Variants in MAPK10 observed in about 807,000 individuals in gnomAD.
MAPK10 encodes mitogen-activated protein kinase 10.
A neutral mutation model predicts 59.3 loss-of-function variants in MAPK10; 25 were observed. The observed-to-expected ratio is 0.42, with a 90% confidence interval of 0.31 to 0.59. The LOEUF (loss-of-function observed/expected upper bound fraction) is 0.59, where lower values mean the gene tolerates loss of function less well. Ranked by LOEUF, MAPK10 falls within the 20% of genes least tolerant of loss-of-function variation. MAPK10 has a pLI of 0.15. For synonymous variants in MAPK10, 190 were observed against 200.5 expected (o/e 0.95, Z 0.44); for missense variants, 351 against 568.9 (o/e 0.62, Z 3.90).
chr4:86,486,223 G>T (rs529734459), intron 1 of MAPK10, among the ~76,000 whole-genome samples: 3 of 152,240 alleles, frequency 2.0e-5, no homozygotes, highest in African/African-American at 4.8e-5. Flanking sequence ...AAGAAGTTTG[G>T]ATTGTACTGG....
At chr4:86,410,261 G>A (rs1390645301) in intron 1 of MAPK10, among the ~76,000 whole-genome samples, 11 of 152,108 alleles carry the variant, frequency 7.2e-5, no homozygotes, top group African/African-American at 1.7e-4. Flanking sequence ...TGACTTGATC[G>A]TTGTGGATAA....
chr4:86,504,262 G>C (rs1021574992), intron 1 of MAPK10, among the ~76,000 whole-genome samples: 1 of 152,030 alleles, frequency 6.6e-6, no homozygotes, highest in African/African-American at 2.4e-5. Flanking sequence ...AATATTTCTT[G>C]AGTGAATGAA....
intron 9 of MAPK10, among the ~76,000 whole-genome samples, chr4:86,078,604 T>TACAC (rs35865395): frequency 6.9e-4 from 103 of 149,778 alleles, no homozygotes; most frequent in Admixed American, 1.8e-3. Flanking sequence ...TATATATATA[T>TACAC]ACACACACAC....
chr4:86,393,265 T>C (rs1474454537), intron 1 of MAPK10, among the ~76,000 whole-genome samples: 5 of 152,180 alleles, frequency 3.3e-5, no homozygotes, highest in African/African-American at 1.2e-4. Context: ...TTTCAACAAA[T>C]TCAACTCAAT....
chr4:86,586,303 C>T (rs1345704964), intron 1 of MAPK10, among the ~76,000 whole-genome samples: 2 of 152,114 alleles, frequency 1.3e-5, no homozygotes, highest in Admixed American at 6.5e-5. Flanking sequence ...AGTGCCACAC[C>T]CCTTTAGTAC....
intron 4 of MAPK10, among the ~76,000 whole-genome samples, chr4:86,158,301 C>T (rs988516237): frequency 1.3e-5 from 2 of 151,742 alleles, no homozygotes; most frequent in Non-Finnish European, 2.9e-5. Flanking sequence ...AGCCTGCCAC[C>T]ATCTTGATCT....
At chr4:86,264,069 G>A (rs1009337529) in intron 2 of MAPK10, among the ~76,000 whole-genome samples, 3 of 152,038 alleles carry the variant, frequency 2.0e-5, no homozygotes, top group Admixed American at 6.6e-5. Flanking sequence ...TAGTTACTGC[G>A]AATATAAAGA....
intron 4 of MAPK10, among the ~76,000 whole-genome samples, chr4:86,126,269 TTTA>T (rs1340443531): frequency 6.6e-6 from 1 of 152,082 alleles, no homozygotes; most frequent in East Asian, 1.9e-4. Flanking sequence ...CTTTTCTTGT[TTTA>T]CTTCCCATAC....
chr4:86,505,828 G>A (rs1200260957), intron 1 of MAPK10, among the ~76,000 whole-genome samples: 3 of 151,976 alleles, frequency 2.0e-5, no homozygotes, highest in Non-Finnish European at 4.4e-5. Flanking sequence ...ATTTCTTTAG[G>A]TCATGAACTA....
At chr4:86,494,675 C>G (rs34423047) in intron 1 of MAPK10, among the ~76,000 whole-genome samples, 2 of 151,620 alleles carry the variant, frequency 1.3e-5, no homozygotes, top group South Asian at 4.2e-4. Context: ...AACCCCGTCT[C>G]TACTGAAAAT....
intron 2 of MAPK10, among the ~76,000 whole-genome samples, chr4:86,214,064 G>GGAT (rs2148614407): frequency 6.6e-6 from 1 of 152,120 alleles, no homozygotes; most frequent in East Asian, 1.9e-4. Flanking sequence ...TAGAATGCAA[G>GGAT]GATGGTTCAA....
chr4:86,101,192 A>G lies in MAPK10; in HGVS notation c.590T>C (p.Val197Ala). Residue 197 changes from valine (V) to alanine (A), a missense_variant, in exon 8 of 14, where the codon GTC becomes GCC. Physicochemically the swap from Val to Ala is moderately conservative, Grantham distance 64. Transcript: ENST00000641462. Reference protein sequence around the residue: ...HRDLKPSNIVVKSDCTLKILD... With the variant: ...HRDLKPSNIVAKSDCTLKILD... Reference sequence around the variant, plus strand: ...GATTTTCAATGTGCAATCAGACTTGACTACAATGTTACTTGGTTTTAAATC... The same window carrying G: ...GATTTTCAATGTGCAATCAGACTTGGCTACAATGTTACTTGGTTTTAAATC... 6.2e-7 allele frequency: 1 copy of G among 1,613,934 alleles called. No homozygotes were observed. The highest frequency in any genetic ancestry group is 8.5e-7 in the Non-Finnish European group (1 of 1,179,886).
chr4:86,210,424 A>C (rs1452637499), intron 2 of MAPK10, among the ~76,000 whole-genome samples: 1 of 152,056 alleles, frequency 6.6e-6, no homozygotes, highest in Non-Finnish European at 1.5e-5. Context: ...CGACTCTATT[A>C]GAAAAAAATT....
At chr4:86,371,966 A>T (rs1006746831) in intron 1 of MAPK10, among the ~76,000 whole-genome samples, 3 of 152,208 alleles carry the variant, frequency 2.0e-5, no homozygotes, top group Non-Finnish European at 4.4e-5. Context: ...AATATTAGAC[A>T]GATCAATGAG....
At chr4:86,313,364 T>C (rs1318060554) in intron 2 of MAPK10, among the ~76,000 whole-genome samples, 1 of 152,030 alleles carries the variant, frequency 6.6e-6, no homozygotes, top group African/African-American at 2.4e-5. Context: ...AAGCAATAAC[T>C]ATAAAAATAA....
chr4:86,145,116 A>T (rs2064595860), intron 4 of MAPK10, among the ~76,000 whole-genome samples: 1 of 152,212 alleles, frequency 6.6e-6, no homozygotes. Flanking sequence ...GGGTCCAGTG[A>T]TCTTTTCTAG....
chr4:86,225,980 C>G (rs1241381804), intron 2 of MAPK10, among the ~76,000 whole-genome samples: 1 of 152,124 alleles, frequency 6.6e-6, no homozygotes, highest in Non-Finnish European at 1.5e-5. Flanking sequence ...TAGATATAGA[C>G]AGGGATGTTT....
At chr4:86,159,149 A>G (rs1006381147) in intron 4 of MAPK10, 149 bp downstream of exon 4, 1 of 536,214 alleles carries the variant, frequency 1.9e-6, no homozygotes, top group Non-Finnish European at 3.1e-6. Flanking sequence ...CATAATGCTC[A>G]TAATGTTATT....
chr4:86,401,514 T>G (rs959752668), intron 1 of MAPK10, among the ~76,000 whole-genome samples: 1 of 152,220 alleles, frequency 6.6e-6, no homozygotes, highest in African/African-American at 2.4e-5. Context: ...ATAAATTTCT[T>G]ACATATCTTA....
Sources: gnomAD v4.1 joint callset for allele counts (sites outside exome capture counted in the v4.1 genomes callset) on GRCh38, gnomAD v4.1.1 for gene constraint, MANE v1.5 for transcripts, NCBI Gene and HGNC (gene_info 2026-07-23, HGNC 2026-07-21) for gene names.